CDC37L1: variants seen among roughly 807,000 people sequenced by gnomAD.
The protein encoded by CDC37L1 is cell division cycle 37 like 1, HSP90 cochaperone.
In CDC37L1, 32 loss-of-function variants were observed where a neutral mutation model predicts 45.9. That is an observed-to-expected ratio of 0.70 (90% CI 0.53 to 0.94). The LOEUF (loss-of-function observed/expected upper bound fraction) is 0.94, where lower values mean the gene tolerates loss of function less well. Ranked by LOEUF, CDC37L1 falls within the 40% of genes least tolerant of loss-of-function variation. The probability of loss-of-function intolerance (pLI) is 0.00; values close to 1 mark genes in which losing one functional copy is unlikely to be tolerated. For synonymous variants in CDC37L1, 150 were observed against 133.0 expected (o/e 1.13, Z -0.88); for missense variants, 434 against 405.7 (o/e 1.07, Z -0.60).
rs1253924935 is a variant in CDC37L1, at chr9:4,684,562, T to C, written c.133-315T>C. On this transcript the variant is annotated intron_variant, in intron 1 of 6. Transcript: ENST00000381854. ...CTAGATTTAAGCTTTGTTCTCATTA[T>C]TCTGCTTGTTCAGGATTATGAAGAC... Among the ~76,000 whole-genome samples the C allele has an allele frequency of 4.6e-5, 7 of 152,340 alleles. No individual in the cohort carries two copies. The East Asian group carries it at 1.3e-3, about 29-fold the overall frequency.
chr9:4,696,941 C>G (rs968529625), intron 3 of CDC37L1, among the ~76,000 whole-genome samples, 155 bp from the exon 4 acceptor site: 6 of 152,150 alleles, frequency 3.9e-5, no homozygotes, highest in African/African-American at 1.4e-4. Flanking sequence ...TGCTCTTTTA[C>G]CATAATCTGT....
At chr9:4,687,856 A>G (rs1841264468) in intron 2 of CDC37L1, among the ~76,000 whole-genome samples, 1 of 152,242 alleles carries the variant, frequency 6.6e-6, no homozygotes, top group Non-Finnish European at 1.5e-5. Flanking sequence ...TAGGAATTAA[A>G]TAATGCACAA....
At chr9:4,685,744 G>A (rs555487574) in intron 2 of CDC37L1, among the ~76,000 whole-genome samples, 1 of 152,152 alleles carries the variant, frequency 6.6e-6, no homozygotes, top group Non-Finnish European at 1.5e-5. Context: ...AAACTTCAGG[G>A]TTTTATACCT....
rs1841449518 is a variant in CDC37L1, at chr9:4,707,002, GT to G, written c.*893del. On this transcript the variant is annotated 3_prime_UTR_variant, in exon 7 of 7. Transcript: ENST00000381854. ...TTGCCTTTTAATTTTTGTTATTTTGGTTTATTTTTTGATGTAGCCTTTTAAA... is the reference window on the plus strand; with the variant it reads ...TTGCCTTTTAATTTTTGTTATTTTGGTTATTTTTTGATGTAGCCTTTTAAA... The G allele has an allele frequency of 6.6e-6, 1 of 151,608 alleles. No individual in the cohort carries two copies. The highest frequency in any genetic ancestry group is 2.4e-5 in the African/African-American group (1 of 41,176). 9.4% of individuals were successfully genotyped at this position (151,608 alleles called of 1,614,324 possible).
intron 1 of CDC37L1, among the ~76,000 whole-genome samples, 182 bp from the exon 2 acceptor site, chr9:4,684,695 A>C: frequency 6.6e-6 from 1 of 152,212 alleles, no homozygotes; most frequent in Admixed American, 6.5e-5. Flanking sequence ...TTAACAAAGA[A>C]GTTTAGAAGT....
At chr9:4,687,383 G>C (rs1430447553) in intron 2 of CDC37L1, among the ~76,000 whole-genome samples, 1 of 152,052 alleles carries the variant, frequency 6.6e-6, no homozygotes, top group East Asian at 1.9e-4. Flanking sequence ...AAGTTTATTA[G>C]AAATGCAACA....
Position 4,685,763 on chromosome 9 carries a change from C to G in CDC37L1, c.414+605C>G, listed in dbSNP as rs1030514627. 1.6e-4 allele frequency among the ~76,000 whole-genome samples: 24 copies of G among 152,180 alleles called. No individual in the cohort carries two copies. In the East Asian group the frequency reaches 1.7e-3, roughly 11 times the overall value. On this transcript the variant is annotated intron_variant, in intron 2 of 6. Coordinates refer to ENST00000381854, the MANE Select transcript of CDC37L1 (RefSeq NM_017913.4). ...TTCAGGGTTTTATACCTCAGTTTTC[C>G]ATTTGAAAACTAGAGTTTTTAGCGA...
At chr9:4,702,603 T>C (rs1182174735) in intron 6 of CDC37L1, among the ~76,000 whole-genome samples, 1 of 152,066 alleles carries the variant, frequency 6.6e-6, no homozygotes, top group Non-Finnish European at 1.5e-5. Flanking sequence ...CCATGTCGGC[T>C]GGGCGCAGTG....
Position 4,684,989 on chromosome 9 carries a change from C to A in CDC37L1, c.245C>A (p.Ala82Glu). The change falls in exon 2 of 7, where the codon GCA (alanine) becomes GAA (glutamate). Residue 82 changes from alanine (A) to glutamate (E), a missense_variant. By Grantham distance (107) the Ala-to-Glu change is moderately radical. Transcript: ENST00000381854. ...AEAQQKLGSL[A>E]LHNSESLDQE... ...GCTCAACAGAAACTTGGTAGCTTAG[C>A]ACTGCATAATTCTGAGTCCTTGGAT... 1 of 1,614,036 alleles carries A rather than the reference C, an allele frequency of 6.2e-7. No individual in the cohort carries two copies.
chr9:4,685,241 C>A, intron 2 of CDC37L1, 83 bp downstream of exon 2: 1 of 1,041,950 alleles, frequency 9.6e-7, no homozygotes, highest in Non-Finnish European at 1.5e-6. Flanking sequence ...GGTAGCAAAG[C>A]AGCAGAATCC....
rs1841461789 is a variant in CDC37L1, at chr9:4,708,027, A to G, written c.*1915A>G. ...ATGTTCTTTGAAACTTGATTTATAT[A>G]TTTTTACTTGCAAAAGAATATACTG... is the stretch of plus-strand genomic sequence containing the variant. On this transcript the variant is annotated 3_prime_UTR_variant, in exon 7 of 7. Coordinates refer to ENST00000381854, the MANE Select transcript of CDC37L1 (RefSeq NM_017913.4). The G allele has an allele frequency of 6.6e-6, 1 of 152,164 alleles. No individual in the cohort carries two copies. 9.4% of individuals were successfully genotyped at this position (152,164 alleles called of 1,614,324 possible).
intron 6 of CDC37L1, among the ~76,000 whole-genome samples, chr9:4,704,732 T>A (rs533691925): frequency 6.6e-6 from 1 of 152,332 alleles, no homozygotes; most frequent in African/African-American, 2.4e-5. Flanking sequence ...GCTTTTCATT[T>A]CTTTTTTTTA....
At chr9:4,680,909 C>T (rs543452156) in intron 1 of CDC37L1, among the ~76,000 whole-genome samples, 1 of 152,256 alleles carries the variant, frequency 6.6e-6, no homozygotes, top group East Asian at 1.9e-4. Context: ...AATCTTATGT[C>T]CAGCTAACAG....
At chr9:4,698,552 A>G (rs1003872822) in intron 5 of CDC37L1, among the ~76,000 whole-genome samples, 6 of 151,756 alleles carry the variant, frequency 4.0e-5, no homozygotes, top group Admixed American at 1.3e-4. Context: ...AAGTAGGGCA[A>G]TAAGAATTTG....
intron 2 of CDC37L1, among the ~76,000 whole-genome samples, chr9:4,687,783 T>C (rs917805241): frequency 6.6e-6 from 1 of 152,144 alleles, no homozygotes; most frequent in Non-Finnish European, 1.5e-5. Context: ...TCTATGTGCT[T>C]TGAATTTCTG....
At chr9:4,680,578 A>G (rs1449331378) in intron 1 of CDC37L1, among the ~76,000 whole-genome samples, 1 of 151,244 alleles carries the variant, frequency 6.6e-6, no homozygotes, top group Non-Finnish European at 1.5e-5. Flanking sequence ...TCAATCCAGC[A>G]TTCCTGCCTT....
At chr9:4,690,573 C>T (rs1021276385) in intron 3 of CDC37L1, among the ~76,000 whole-genome samples, 1 of 152,224 alleles carries the variant, frequency 6.6e-6, no homozygotes. Flanking sequence ...AACTATTGTG[C>T]AAATAATGAG....
chr9:4,705,623 C>A (rs998737347), intron 6 of CDC37L1, among the ~76,000 whole-genome samples: 1 of 152,048 alleles, frequency 6.6e-6, no homozygotes, highest in African/African-American at 2.4e-5. Context: ...TTAGTATTTA[C>A]TGTTGTAATT....
intron 2 of CDC37L1, among the ~76,000 whole-genome samples, chr9:4,686,890 CA>C (rs1187193997): frequency 6.6e-6 from 1 of 151,754 alleles, no homozygotes; most frequent in Non-Finnish European, 1.5e-5. Flanking sequence ...GATGTAGTGC[CA>C]AAAAAAGTAA....
Sources: gnomAD v4.1 joint callset for allele counts (sites outside exome capture counted in the v4.1 genomes callset) on GRCh38, gnomAD v4.1.1 for gene constraint, MANE v1.5 for transcripts, NCBI Gene and HGNC (gene_info 2026-07-23, HGNC 2026-07-21) for gene names.